SLC38A12: variants seen among roughly 807,000 people sequenced by gnomAD.
The protein encoded by SLC38A12 is putative sodium-coupled neutral amino acid transporter 12.
chr17:74,832,005 C>T, the SLC38A12 span, among the ~76,000 whole-genome samples: 1 of 152,172 alleles, frequency 6.6e-6, no homozygotes, highest in Admixed American at 6.5e-5. Context: ...AGGGATGTGG[C>T]GATCAATCTA....
chr17:74,813,330 C>T, the SLC38A12 span, among the ~76,000 whole-genome samples: 3 of 152,250 alleles, frequency 2.0e-5, no homozygotes, highest in Non-Finnish European at 2.9e-5. Context: ...AGTGTTTTCT[C>T]TGTCACTTGG....
the SLC38A12 span, chr17:74,838,844 T>G: frequency 6.5e-7 from 1 of 1,528,282 alleles, no homozygotes; most frequent in South Asian, 1.2e-5. Context: ...CATCATCAAC[T>G]TGGCAAAGTA....
chr17:74,796,702 A>C, the SLC38A12 span, among the ~76,000 whole-genome samples: 1 of 152,206 alleles, frequency 6.6e-6, no homozygotes, highest in Non-Finnish European at 1.5e-5. Flanking sequence ...TGTGGCTAGC[A>C]GTTTAGTAGG....
At chr17:74,838,982 A>C in the SLC38A12 span, 3 of 1,535,508 alleles carry the variant, frequency 2.0e-6, no homozygotes, top group South Asian at 3.6e-5. Context: ...GCTTAAACTC[A>C]ACAGCCTCTA....
chr17:74,777,230 A>G, the SLC38A12 span: 1 of 1,380,240 alleles, frequency 7.2e-7, no homozygotes, highest in Non-Finnish European at 1.0e-6. Context: ...GTCTCAGTCC[A>G]TCAGATAGGT....
chr17:74,838,982 AAC>A, the SLC38A12 span: 1 of 1,535,626 alleles, frequency 6.5e-7, no homozygotes, highest in African/African-American at 1.4e-5. Context: ...GCTTAAACTC[AAC>A]AGCCTCTACC....
chr17:74,822,573 G>A, the SLC38A12 span, among the ~76,000 whole-genome samples: 1 of 152,240 alleles, frequency 6.6e-6, no homozygotes, highest in Non-Finnish European at 1.5e-5. Flanking sequence ...AATGTCAGGA[G>A]CCTCTCAGGC....
chr17:74,795,570 TACAATGAC>T, the SLC38A12 span: 1 of 1,613,960 alleles, frequency 6.2e-7, no homozygotes, highest in Non-Finnish European at 8.5e-7. Context: ...AGACACCAAA[TACAATGAC>T]ACTGACCGGT....
At chr17:74,839,311 A>G in the SLC38A12 span, 32 of 841,036 alleles carry the variant, frequency 3.8e-5, no homozygotes, top group African/African-American at 5.0e-4. Context: ...GGCAAAGGCC[A>G]GAGTCAGAGT....
chr17:74,790,248 A>G, the SLC38A12 span: 1 of 1,613,622 alleles, frequency 6.2e-7, no homozygotes, highest in Non-Finnish European at 8.5e-7. Context: ...CGATGTTCTC[A>G]TCCGGGACAA....
the SLC38A12 span, chr17:74,838,264 GC>G: frequency 1.0e-6 from 1 of 985,598 alleles, no homozygotes; most frequent in Non-Finnish European, 1.2e-6. Flanking sequence ...AAAAACAAAT[GC>G]CCCTTCTCCA....
At chr17:74,822,925 G>A in the SLC38A12 span, among the ~76,000 whole-genome samples, 20 of 152,208 alleles carry the variant, frequency 1.3e-4, no homozygotes, top group Non-Finnish European at 1.5e-5. Context: ...GCCCCTTTTG[G>A]GGGAGGGACC....
chr17:74,799,519 C>T, the SLC38A12 span, among the ~76,000 whole-genome samples: 4 of 152,330 alleles, frequency 2.6e-5, no homozygotes, highest in South Asian at 8.3e-4. Flanking sequence ...GGCCAGTGCC[C>T]TGCCACCCCT....
At chr17:74,806,003 C>G in the SLC38A12 span, among the ~76,000 whole-genome samples, 1,867 of 152,298 alleles carry the variant, frequency 0.012, 44 homozygotes, top group African/African-American at 0.042. Context: ...CGCAAGCGGC[C>G]TCATGGGTTC....
the SLC38A12 span, among the ~76,000 whole-genome samples, chr17:74,813,567 A>G: frequency 1.3e-5 from 2 of 151,778 alleles, no homozygotes; most frequent in East Asian, 1.9e-4. Flanking sequence ...TCAGCTTACC[A>G]CAACCTCACT....
chr17:74,801,523 C>T, the SLC38A12 span, among the ~76,000 whole-genome samples: 2 of 152,192 alleles, frequency 1.3e-5, no homozygotes, highest in African/African-American at 4.8e-5. Flanking sequence ...CCCTGAGATG[C>T]ATGTGCCAGG....
At chr17:74,839,158 C>T in the SLC38A12 span, 2 of 1,510,350 alleles carry the variant, frequency 1.3e-6, no homozygotes, top group Non-Finnish European at 1.8e-6. Flanking sequence ...GCTAGAGCAG[C>T]AGCTGCCAGC....
chr17:74,787,238 C>T, the SLC38A12 span, among the ~76,000 whole-genome samples: 646 of 152,222 alleles, frequency 4.2e-3, 5 homozygotes, highest in African/African-American at 0.015. Context: ...TGCCACCTGA[C>T]GTCAGGGTGA....
At chr17:74,792,450 C>CA in the SLC38A12 span, among the ~76,000 whole-genome samples, 68 of 146,770 alleles carry the variant, frequency 4.6e-4, no homozygotes, top group African/African-American at 1.2e-3. Context: ...GACCTTGTCT[C>CA]AAAAAAAAAA....
Sources: gnomAD v4.1 joint callset for allele counts (sites outside exome capture counted in the v4.1 genomes callset) on GRCh38, gnomAD v4.1.1 for gene constraint, MANE v1.5 for transcripts, NCBI Gene and HGNC (gene_info 2026-07-23, HGNC 2026-07-21) for gene names.